SNTG2: variants seen among roughly 807,000 people sequenced by gnomAD.
SNTG2 encodes the protein gamma-2-syntrophin.
Under a neutral mutation model 70.9 loss-of-function variants are expected in SNTG2, and 74 were observed. That is an observed-to-expected ratio of 1.04 (90% CI 0.86 to 1.27). SNTG2 has a LOEUF of 1.27. SNTG2 is among the 50% of genes most tolerant of loss of function. SNTG2 has a pLI of 0.00. For synonymous variants in SNTG2, 278 were observed against 273.8 expected, an observed-to-expected ratio of 1.02 and a Z score of -0.15; for missense variants, 717 against 690.7, an observed-to-expected ratio of 1.04 and a Z score of -0.43.
At chr2:981,670 C>T (rs992363400) in intron 1 of SNTG2, among the ~76,000 whole-genome samples, 4 of 152,126 alleles carry the variant, frequency 2.6e-5, no homozygotes, top group Non-Finnish European at 5.9e-5. Context: ...TGAACACAGA[C>T]CTGCATACAT....
chr2:976,860 A>C (rs1660922069), intron 1 of SNTG2, among the ~76,000 whole-genome samples: 2 of 150,852 alleles, frequency 1.3e-5, no homozygotes, highest in Non-Finnish European at 1.5e-5. Flanking sequence ...CCCCTCCCCC[A>C]TCTTCCAGAT....
chr2:966,872 G>A (rs568429824), intron 1 of SNTG2, among the ~76,000 whole-genome samples: 2,247 of 152,204 alleles, frequency 0.015, 42 homozygotes, highest in Middle Eastern at 0.065. Context: ...GCTTGAACCT[G>A]GGAGGTGGGG....
rs547215655 is a variant in SNTG2 at position 968,406 on chromosome 2, T to A, written c.72+17338T>A. Among the ~76,000 whole-genome samples the A allele has an allele frequency of 2.6e-4, 40 of 152,318 alleles. 1 individual carries two copies. Among genetic ancestry groups the A allele is most frequent in the East Asian group, 1.5e-3 (8 of 5,180 alleles). On this transcript the variant is annotated intron_variant, in intron 1 of 16. Transcript: ENST00000308624. ...AATCAGTCTCCCAGTTAATTATCAA[T>A]TTTTAGTGTTCTTTTCAAAGGATAC...
intron 1 of SNTG2, among the ~76,000 whole-genome samples, chr2:1,060,572 G>T (rs145926272): frequency 2.0e-5 from 3 of 152,316 alleles, no homozygotes; most frequent in African/African-American, 7.2e-5. Context: ...TTAAGTATAA[G>T]GTTCATCTGG....
At chr2:1,333,949 A>G (rs1659666371) in intron 16 of SNTG2, among the ~76,000 whole-genome samples, 1 of 152,196 alleles carries the variant, frequency 6.6e-6, no homozygotes, top group Non-Finnish European at 1.5e-5. Context: ...GATGAGACCT[A>G]ATTAAACTAA....
chr2:1,002,460 T>A (rs1178336733), intron 1 of SNTG2, among the ~76,000 whole-genome samples: 2 of 151,984 alleles, frequency 1.3e-5, no homozygotes, highest in Non-Finnish European at 2.9e-5. Flanking sequence ...GAACATATAT[T>A]TTTCAAAAGA....
chr2:951,011 AC>A lies in SNTG2; in HGVS notation c.20del (p.Pro7ArgfsTer39). On this transcript the variant is annotated frameshift_variant, in exon 1 of 17. Coordinates refer to ENST00000308624, the MANE Select transcript of SNTG2 (RefSeq NM_018968.4). LOFTEE classifies it high-confidence loss of function. ...CAGGGGCGGCGATGGGCACCGAGGG[AC>A]CCCCGCCCCCGGCCGCCTCCCGCGG... MGTEGPPPPAASRGRQ... is the reference protein window; with the variant it reads MGTEGXPPPAASRGRQ... The A allele has an allele frequency of 2.4e-6, 3 of 1,259,720 alleles. No homozygotes were observed. Among genetic ancestry groups the A allele is most frequent in the South Asian group, 3.2e-5 (1 of 31,136 alleles). 78.0% of individuals were successfully genotyped at this position (1,259,720 alleles called of 1,614,324 possible).
At chr2:1,364,906 T>C (rs752462863) in intron 16 of SNTG2, among the ~76,000 whole-genome samples, 1 of 151,840 alleles carries the variant, frequency 6.6e-6, no homozygotes, top group Non-Finnish European at 1.5e-5. Flanking sequence ...TGAGATTCCG[T>C]CTCAAAAAAA....
intron 9 of SNTG2, among the ~76,000 whole-genome samples, chr2:1,212,805 A>G (rs1674133068): frequency 6.6e-6 from 1 of 152,136 alleles, no homozygotes; most frequent in Non-Finnish European, 1.5e-5. Context: ...TGTTGATCCC[A>G]GTGGATGGAG....
intron 4 of SNTG2, among the ~76,000 whole-genome samples, chr2:1,110,224 C>G (rs1457612827): frequency 6.6e-6 from 1 of 152,126 alleles, no homozygotes; most frequent in African/African-American, 2.4e-5. Flanking sequence ...GCCTGGACAC[C>G]TGTAAACACA....
rs371175783 is a variant in SNTG2 at position 1,146,143 on chromosome 2, A to G, written c.411+8334A>G. On this transcript the variant is annotated intron_variant, in intron 6 of 16. Transcript: ENST00000308624. ...TGATTTCCCACCAAGATCAGGAACAATACAAGGATGTCTCTTCTCATCAGT... is the reference window on the plus strand; with the variant it reads ...TGATTTCCCACCAAGATCAGGAACAGTACAAGGATGTCTCTTCTCATCAGT... Among the ~76,000 whole-genome samples, 399 of 152,300 alleles carry G rather than the reference A, an allele frequency of 2.6e-3. 9 individuals carry two copies. The South Asian group carries it at 0.04, about 15-fold the overall frequency.
In SNTG2 at chr2:1,367,400, G is replaced by A. The variant is rs1480757344; in HGVS notation, c.1546G>A (p.Ala516Thr). 6 of 1,551,728 alleles carry A rather than the reference G, an allele frequency of 3.9e-6. No homozygotes were observed. The highest frequency in any genetic ancestry group is 5.2e-6 in the Non-Finnish European group (6 of 1,147,008). ...GCACTGCATCCACTCCTTCATAGCA[G>A]CCAAGGTGGCCTCCGTGGACCCCGG... ...VLHCIHSFIA[A>T]KVASVDPGFM... Residue 516 changes from alanine (A) to threonine (T), a missense_variant, in exon 17 of 17, where the codon GCC (alanine) becomes ACC (threonine). Physicochemically the swap from Ala to Thr is moderately conservative, Grantham distance 58. Transcript: ENST00000308624.
chr2:1,276,188 A>G (rs1048249615), intron 14 of SNTG2, among the ~76,000 whole-genome samples: 18 of 152,366 alleles, frequency 1.2e-4, no homozygotes, highest in African/African-American at 4.1e-4. Flanking sequence ...AGATCCAGCT[A>G]ACAACACTGA....
intron 1 of SNTG2, among the ~76,000 whole-genome samples, chr2:1,032,085 G>T (rs1429983850): frequency 6.6e-6 from 1 of 152,164 alleles, no homozygotes; most frequent in Non-Finnish European, 1.5e-5. Flanking sequence ...TGACAGCATT[G>T]CTTGTGACAG....
At chr2:1,191,750 G>A (rs1413201674) in intron 8 of SNTG2, among the ~76,000 whole-genome samples, 7 of 152,120 alleles carry the variant, frequency 4.6e-5, no homozygotes, top group African/African-American at 9.7e-5. Flanking sequence ...AGCCGACATC[G>A]TGCCACTGCA....
At chr2:1,233,664 G>A (rs186730171) in intron 9 of SNTG2, among the ~76,000 whole-genome samples, 158 of 152,320 alleles carry the variant, frequency 1.0e-3, no homozygotes, top group African/African-American at 1.6e-3. Context: ...GTCCTAATAC[G>A]TTAAGACATG....
intron 15 of SNTG2, among the ~76,000 whole-genome samples, chr2:1,310,736 A>C (rs1248868322): frequency 6.6e-6 from 1 of 152,158 alleles, no homozygotes; most frequent in Admixed American, 6.5e-5. Context: ...TGCCAGGCAC[A>C]GTCAGGCAGA....
In SNTG2 at chr2:955,393, A is replaced by G. The variant is rs145557634; in HGVS notation, c.72+4325A>G. Among the ~76,000 whole-genome samples the G allele has an allele frequency of 3.2e-4, 49 of 152,342 alleles. No individual in the cohort carries two copies. In the East Asian group the frequency reaches 8.9e-3, roughly 28 times the overall value. On this transcript the variant is annotated intron_variant, in intron 1 of 16. Transcript: ENST00000308624. ...ATAGAACATTAGAATCAAGTGTCCT[A>G]AATATCGTGCTTATTGGCCTCCATT...
intron 8 of SNTG2, among the ~76,000 whole-genome samples, chr2:1,190,547 T>C (rs1672529967): frequency 7.0e-6 from 1 of 142,268 alleles, no homozygotes; most frequent in Non-Finnish European, 1.5e-5. Flanking sequence ...ATATGACATA[T>C]ATAAACATAT....
Sources: gnomAD v4.1 joint callset for allele counts (sites outside exome capture counted in the v4.1 genomes callset) on GRCh38, gnomAD v4.1.1 for gene constraint, MANE v1.5 for transcripts, NCBI Gene and HGNC (gene_info 2026-07-23, HGNC 2026-07-21) for gene names.